CFAP61: variants seen among roughly 807,000 people sequenced by gnomAD.
CFAP61 encodes cilia- and flagella-associated protein 61.
In CFAP61, 107 loss-of-function variants were observed where a neutral mutation model predicts 135.6. The observed-to-expected ratio is 0.79, with a 90% CI of 0.67 to 0.93. The LOEUF (loss-of-function observed/expected upper bound fraction) is 0.93. Ranked by LOEUF, CFAP61 falls within the 40% of genes least tolerant of loss-of-function variation. The pLI, the probability that CFAP61 is intolerant of heterozygous loss-of-function variation, is 0.00. For synonymous variants in CFAP61, 575 were observed against 578.5 expected (o/e 0.99, Z 0.09); for missense variants, 1,507 against 1,556.2 (o/e 0.97, Z 0.53).
intron 17 of CFAP61, among the ~76,000 whole-genome samples, chr20:20,216,263 G>C (rs1172169583): frequency 1.3e-5 from 2 of 152,224 alleles, no homozygotes; most frequent in African/African-American, 4.8e-5. Context: ...TACCGCTGAC[G>C]TGCGTGTGAG....
At chr20:20,059,673 A>C (rs1204634169) in intron 2 of CFAP61, among the ~76,000 whole-genome samples, 1 of 152,078 alleles carries the variant, frequency 6.6e-6, no homozygotes. Flanking sequence ...TCATGTTTAA[A>C]CAAAAGTGAA....
At chr20:20,069,025 G>A (rs985821227) in intron 2 of CFAP61, among the ~76,000 whole-genome samples, 3 of 152,238 alleles carry the variant, frequency 2.0e-5, no homozygotes, top group Non-Finnish European at 4.4e-5. Context: ...TTACAGGCGT[G>A]AGCCACCGCG....
chr20:20,207,142 G>A (rs777471066), intron 17 of CFAP61, among the ~76,000 whole-genome samples: 1 of 152,180 alleles, frequency 6.6e-6, no homozygotes. Context: ...TAACTCAGCA[G>A]CCTCTTGTGG....
At chr20:20,251,512 G>A (rs1298784570) in intron 19 of CFAP61, 83 bp from the exon 20 acceptor site, 2 of 1,350,154 alleles carry the variant, frequency 1.5e-6, no homozygotes, top group South Asian at 1.3e-5. Context: ...CCCACTAGGG[G>A]ACTTGAACCA....
intron 8 of CFAP61, among the ~76,000 whole-genome samples, chr20:20,133,770 C>G (rs1164655649): frequency 6.6e-6 from 1 of 152,156 alleles, no homozygotes; most frequent in Non-Finnish European, 1.5e-5. Flanking sequence ...GACCTTATCC[C>G]AAGTCTCATC....
At chr20:20,218,292 A>T (rs2146930510) in intron 17 of CFAP61, among the ~76,000 whole-genome samples, 1 of 152,190 alleles carries the variant, frequency 6.6e-6, no homozygotes, top group Non-Finnish European at 1.5e-5. Flanking sequence ...AGATCTCATG[A>T]GCTTATCAGG....
intron 13 of CFAP61, among the ~76,000 whole-genome samples, chr20:20,187,294 G>A (rs1257731449): frequency 1.3e-5 from 2 of 152,210 alleles, no homozygotes; most frequent in African/African-American, 4.8e-5. Flanking sequence ...GCTGTCATGA[G>A]GCAGGAATGG....
At chr20:20,132,891 A>T (rs1825016193) in intron 8 of CFAP61, among the ~76,000 whole-genome samples, 1 of 151,410 alleles carries the variant, frequency 6.6e-6, no homozygotes, top group Non-Finnish European at 1.5e-5. Context: ...TATATTTTAG[A>T]TGTGTTGCCC....
intron 21 of CFAP61, among the ~76,000 whole-genome samples, chr20:20,264,140 G>A (rs1286764425): frequency 6.6e-6 from 1 of 151,950 alleles, no homozygotes; most frequent in Non-Finnish European, 1.5e-5. Context: ...AGTATCAAAG[G>A]GCATTCAGTG....
At chr20:20,143,384 C>T (rs1449903514) in intron 9 of CFAP61, among the ~76,000 whole-genome samples, 1 of 152,204 alleles carries the variant, frequency 6.6e-6, no homozygotes, top group Non-Finnish European at 1.5e-5. Context: ...GCAAAGTCCC[C>T]TCCCAGCAAA....
intron 6 of CFAP61, chr20:20,085,636 C>T (rs1427969266): frequency 1.2e-5 from 8 of 642,018 alleles, no homozygotes; most frequent in Non-Finnish European, 1.5e-5. Flanking sequence ...TTTATAGCTA[C>T]AGAGTAATAT....
At chr20:20,175,317 A>G (rs2054526972) in intron 13 of CFAP61, among the ~76,000 whole-genome samples, 1 of 152,176 alleles carries the variant, frequency 6.6e-6, no homozygotes, top group Non-Finnish European at 1.5e-5. Context: ...TTCCACTGCA[A>G]GTGTGGTCCA....
chr20:20,092,586 A>G (rs982240485), intron 7 of CFAP61, among the ~76,000 whole-genome samples: 3 of 151,992 alleles, frequency 2.0e-5, no homozygotes, highest in Non-Finnish European at 4.4e-5. Context: ...TATCCATACC[A>G]TGCCAATGAC....
intron 17 of CFAP61, among the ~76,000 whole-genome samples, chr20:20,224,298 T>C (rs2048583748): frequency 6.6e-6 from 1 of 152,158 alleles, no homozygotes; most frequent in Admixed American, 6.6e-5. Flanking sequence ...CCCTATTTTC[T>C]CATCTCAGCC....
chr20:20,326,966 CATA>C (rs1402446958), intron 25 of CFAP61, among the ~76,000 whole-genome samples: 1 of 151,846 alleles, frequency 6.6e-6, no homozygotes, highest in Non-Finnish European at 1.5e-5. Flanking sequence ...GGTTTTTTTT[CATA>C]GAGCTTGCAC....
chr20:20,103,920 A>G (rs1307702775), intron 8 of CFAP61, among the ~76,000 whole-genome samples: 1 of 152,248 alleles, frequency 6.6e-6, no homozygotes, highest in Non-Finnish European at 1.5e-5. Context: ...AAAAACAAGC[A>G]AAAAACAAAA....
intron 25 of CFAP61, among the ~76,000 whole-genome samples, chr20:20,311,778 T>G (rs1249327941): frequency 2.0e-5 from 3 of 152,120 alleles, no homozygotes; most frequent in Admixed American, 6.5e-5. Context: ...GCAAGGAAAC[T>G]GCCCAAGACA....
intron 18 of CFAP61, among the ~76,000 whole-genome samples, chr20:20,241,303 G>A (rs997219726): frequency 6.6e-6 from 1 of 152,286 alleles, no homozygotes. Flanking sequence ...AGGGGTTACA[G>A]TAGAGAACTT....
intron 1 of CFAP61, 133 bp downstream of exon 1, chr20:20,052,724 T>C: frequency 6.2e-7 from 1 of 1,601,496 alleles, no homozygotes; most frequent in Non-Finnish European, 8.5e-7. Flanking sequence ...CGTGGCGCCC[T>C]GCAAGGGAGT....
Sources: gnomAD v4.1 joint callset for allele counts (sites outside exome capture counted in the v4.1 genomes callset) on GRCh38, gnomAD v4.1.1 for gene constraint, MANE v1.5 for transcripts, NCBI Gene and HGNC (gene_info 2026-07-23, HGNC 2026-07-21) for gene names.